SNTG2: variants seen among roughly 807,000 people sequenced by gnomAD.
The protein encoded by SNTG2 is syntrophin gamma 2, also known as gamma-2-syntrophin.
A neutral mutation model predicts 70.9 loss-of-function variants in SNTG2; 74 were observed. That is an observed-to-expected ratio of 1.04 (90% CI 0.86 to 1.27). SNTG2 has a LOEUF of 1.27. SNTG2 is among the 50% of genes most tolerant of loss of function. The probability of loss-of-function intolerance (pLI) is 0.00; values close to 1 mark genes in which losing one functional copy is unlikely to be tolerated. For missense variants in SNTG2, 717 were observed against 690.7 expected (o/e 1.04, Z -0.43); for synonymous variants, 278 against 273.8 (o/e 1.02, Z -0.15).
intron 6 of SNTG2, among the ~76,000 whole-genome samples, chr2:1,138,630 A>C (rs942028966): frequency 3.3e-5 from 5 of 152,100 alleles, no homozygotes; most frequent in African/African-American, 1.2e-4. Context: ...CACAGGGTCA[A>C]GGGGAGAGGC....
At chr2:1,116,765 C>T (rs1667018701) in intron 4 of SNTG2, among the ~76,000 whole-genome samples, 1 of 145,834 alleles carries the variant, frequency 6.9e-6, no homozygotes, top group African/African-American at 2.6e-5. Context: ...TGTGTCAGTG[C>T]CCTGGTGTGT....
chr2:1,085,675 C>A (rs1226551906), intron 2 of SNTG2, among the ~76,000 whole-genome samples: 1 of 152,236 alleles, frequency 6.6e-6, no homozygotes, highest in Non-Finnish European at 1.5e-5. Flanking sequence ...AGTGCAGAAT[C>A]TGAATTGATG....
At chr2:1,239,277 G>A (rs879721952) in intron 10 of SNTG2, among the ~76,000 whole-genome samples, 1 of 152,206 alleles carries the variant, frequency 6.6e-6, no homozygotes, top group Admixed American at 6.5e-5. Context: ...GCTGTGGGCT[G>A]TGGGAACATT....
intron 12 of SNTG2, among the ~76,000 whole-genome samples, chr2:1,257,897 G>A (rs13009201): frequency 0.21 from 31,766 of 152,220 alleles, 4,521 homozygotes; most frequent in African/African-American, 0.4. Flanking sequence ...TGCATAAGGT[G>A]TATTTATAGC....
intron 1 of SNTG2, among the ~76,000 whole-genome samples, chr2:1,072,729 G>A (rs531058139): frequency 5.3e-5 from 8 of 152,158 alleles, no homozygotes; most frequent in Non-Finnish European, 8.8e-5. Context: ...TAGCCGCCAT[G>A]GAGAGTGATT....
intron 1 of SNTG2, among the ~76,000 whole-genome samples, chr2:987,560 G>A (rs544716447): frequency 2.6e-5 from 4 of 152,082 alleles, no homozygotes; most frequent in South Asian, 2.1e-4. Flanking sequence ...CGTCTCTAGC[G>A]GCTGGAGAAA....
Position 1,208,247 on chromosome 2 carries a change from CT to C in SNTG2, c.592-855del, listed in dbSNP as rs1420893756. ...TTACACCTGTGAGTGTGGGGCACAC[CT>C]GTGAGTGTGAGGCACGCCCATGAGT... On this transcript the variant is annotated intron_variant, in intron 8 of 16. Coordinates refer to ENST00000308624, the MANE Select transcript of SNTG2 (RefSeq NM_018968.4). Among the ~76,000 whole-genome samples, 64 of 130,666 alleles carry C rather than the reference CT, an allele frequency of 4.9e-4. 1 individual carries two copies. In the East Asian group the frequency reaches 0.017, roughly 35 times the overall value. 85.7% of individuals were successfully genotyped at this position (130,666 alleles called of 152,430 possible).
chr2:1,209,776 C>T (rs917135284), intron 9 of SNTG2, among the ~76,000 whole-genome samples: 3 of 152,196 alleles, frequency 2.0e-5, no homozygotes, highest in African/African-American at 2.4e-5. Flanking sequence ...GCTAATTGTG[C>T]TATTTAATTA....
At chr2:1,088,010 C>T (rs995266253) in intron 2 of SNTG2, among the ~76,000 whole-genome samples, 1 of 152,208 alleles carries the variant, frequency 6.6e-6, no homozygotes, top group Admixed American at 6.5e-5. Context: ...ATTTCACACC[C>T]AAGTTGCTTC....
chr2:1,062,871 C>T (rs376441381), intron 1 of SNTG2, among the ~76,000 whole-genome samples: 14 of 152,174 alleles, frequency 9.2e-5, no homozygotes, highest in East Asian at 3.8e-4. Flanking sequence ...TGTGCATACA[C>T]ACTCACAAAC....
At chr2:1,262,813 CGAAACCCGAAGGCTCGGTCCAGACGAG>C (rs1355656519) in intron 13 of SNTG2, 6 of 132,544 alleles carry the variant, frequency 4.5e-5, no homozygotes, top group Admixed American at 7.3e-5. Flanking sequence ...GTCCAGACGA[CGAAACCCGAAGGCTCGGTCCAGACGAG>C]GAAACCCGAT....
rs550874174 is a variant in SNTG2 at position 1,367,271 on chromosome 2, C to G, written c.1489-72C>G. ...TTTCTTGGAGTTCACAAGGTCCAAA[C>G]TTTGTTAAATATTTTTGTAACGTGT... On this transcript the variant is annotated intron_variant, in intron 16 of 16. Transcript: ENST00000308624. 3.9e-5 allele frequency: 56 copies of G among 1,434,616 alleles called. 2 individuals carry two copies. The South Asian group carries it at 7.2e-4, about 18-fold the overall frequency. The allele number at this position is 1,434,616 out of a possible 1,614,324, so 88.9% of individuals were successfully genotyped here.
At chr2:1,333,521 C>T (rs1255738151) in intron 16 of SNTG2, among the ~76,000 whole-genome samples, 2 of 152,136 alleles carry the variant, frequency 1.3e-5, no homozygotes, top group African/African-American at 2.4e-5. Flanking sequence ...GGAGGTATCA[C>T]ATTACCCAAC....
At chr2:1,159,913 C>T (rs905642446) in intron 6 of SNTG2, among the ~76,000 whole-genome samples, 2 of 152,070 alleles carry the variant, frequency 1.3e-5, no homozygotes, top group African/African-American at 4.8e-5. Context: ...AGAAACTACT[C>T]AACAGGAATT....
chr2:1,310,930 C>T (rs778471209), intron 15 of SNTG2, among the ~76,000 whole-genome samples: 2 of 152,186 alleles, frequency 1.3e-5, no homozygotes, highest in African/African-American at 4.8e-5. Context: ...GTAACCAGAC[C>T]GTCCAACTCA....
At chr2:1,015,006 G>A (rs1455647905) in intron 1 of SNTG2, among the ~76,000 whole-genome samples, 1 of 152,152 alleles carries the variant, frequency 6.6e-6, no homozygotes. Flanking sequence ...GCTGCATGTG[G>A]CTGGGTAGGG....
chr2:1,326,050 C>G (rs1681744186), intron 16 of SNTG2, among the ~76,000 whole-genome samples: 1 of 152,104 alleles, frequency 6.6e-6, no homozygotes, highest in African/African-American at 2.4e-5. Flanking sequence ...CAAGGATGGT[C>G]TCGATCTCCT....
chr2:1,295,654 G>T (rs1345384355), intron 14 of SNTG2, among the ~76,000 whole-genome samples: 1 of 151,458 alleles, frequency 6.6e-6, no homozygotes, highest in Non-Finnish European at 1.5e-5. Context: ...GGGTACGAGG[G>T]TCAGGCAGGT....
At chr2:1,032,190 C>T (rs1361375576) in intron 1 of SNTG2, among the ~76,000 whole-genome samples, 1 of 152,126 alleles carries the variant, frequency 6.6e-6, no homozygotes, top group Non-Finnish European at 1.5e-5. Flanking sequence ...AGCGGGACCA[C>T]GGGCTGGGGC....
Sources: gnomAD v4.1 joint callset for allele counts (sites outside exome capture counted in the v4.1 genomes callset) on GRCh38, gnomAD v4.1.1 for gene constraint, MANE v1.5 for transcripts, NCBI Gene and HGNC (gene_info 2026-07-23, HGNC 2026-07-21) for gene names.